The following SPMIP8 variants were observed in gnomAD, a reference collection of about 807,000 sequenced individuals.
The protein encoded by SPMIP8 is sperm microtubule inner protein 8, also known as testicular tissue protein Li 196.
At chr16:57,986,725 C>G in the SPMIP8 span, 1 of 152,290 alleles carries the variant, frequency 6.6e-6, no homozygotes, top group Non-Finnish European at 1.5e-5. Context: ...TTCTGAGTAG[C>G]TGGGATTACA....
the SPMIP8 span, chr16:57,986,122 T>C: frequency 1.5e-6 from 1 of 662,228 alleles, no homozygotes; most frequent in Non-Finnish European, 2.3e-6. Flanking sequence ...CTGGCAAATG[T>C]GCAGCCCACT....
chr16:57,980,938 C>A, the SPMIP8 span, among the ~76,000 whole-genome samples: 122 of 152,258 alleles, frequency 8.0e-4, 1 homozygote, highest in African/African-American at 2.8e-3. Flanking sequence ...TGGTCTCCAA[C>A]TTCTGGGCTC....
At chr16:57,984,454 T>C in the SPMIP8 span, 2 of 1,554,174 alleles carry the variant, frequency 1.3e-6, no homozygotes, top group African/African-American at 1.4e-5. Context: ...GCGCACCTTC[T>C]CAGGTGCCTG....
At chr16:57,977,792 C>G in the SPMIP8 span, 6 of 1,605,452 alleles carry the variant, frequency 3.7e-6, no homozygotes, top group Non-Finnish European at 5.1e-6. Context: ...AGGGTGAGCC[C>G]CTTAGAACCC....
the SPMIP8 span, chr16:57,977,927 G>A: frequency 6.2e-7 from 1 of 1,614,138 alleles, no homozygotes; most frequent in Non-Finnish European, 8.5e-7. Context: ...TGGCGGGCGT[G>A]AAGCAGCAGC....
At chr16:57,986,217 TAGA>T in the SPMIP8 span, 18 of 387,576 alleles carry the variant, frequency 4.6e-5, no homozygotes, top group South Asian at 1.5e-3. Context: ...GGATGTTAAC[TAGA>T]AGGAGAGAAA....
chr16:57,980,222 A>C, the SPMIP8 span, among the ~76,000 whole-genome samples: 1 of 152,200 alleles, frequency 6.6e-6, no homozygotes, highest in African/African-American at 2.4e-5. Context: ...TAAGAGCTTT[A>C]TGTTCAAAGG....
At chr16:57,980,345 C>T in the SPMIP8 span, among the ~76,000 whole-genome samples, 303 of 152,330 alleles carry the variant, frequency 2.0e-3, 1 homozygote, top group Admixed American at 0.018. Flanking sequence ...AACCCATGTT[C>T]GCTTTGAGGT....
At chr16:57,980,397 G>C in the SPMIP8 span, among the ~76,000 whole-genome samples, 2 of 152,204 alleles carry the variant, frequency 1.3e-5, no homozygotes, top group Non-Finnish European at 2.9e-5. Context: ...GTCCCTATAC[G>C]TCAAAAGTTC....
the SPMIP8 span, among the ~76,000 whole-genome samples, chr16:57,977,407 C>CAAAAAAA: frequency 3.0e-5 from 3 of 99,786 alleles, no homozygotes; most frequent in South Asian, 3.5e-4. Flanking sequence ...GAGACTGTCT[C>CAAAAAAA]AAAAAAAAAA....
the SPMIP8 span, chr16:57,986,010 G>C: frequency 1.3e-6 from 2 of 1,528,206 alleles, no homozygotes; most frequent in Admixed American, 2.2e-5. Flanking sequence ...GACAGCCTCG[G>C]GGCTCCCTGA....
the SPMIP8 span, chr16:57,986,468 C>G: frequency 6.6e-6 from 1 of 152,434 alleles, no homozygotes; most frequent in Non-Finnish European, 1.5e-5. Context: ...TTTGTACACT[C>G]CAGCCAGACT....
the SPMIP8 span, chr16:57,984,773 G>T: frequency 6.2e-7 from 1 of 1,608,758 alleles, no homozygotes; most frequent in Non-Finnish European, 8.5e-7. Flanking sequence ...TCGTGTCCTC[G>T]GCCGGGGAGT....
the SPMIP8 span, chr16:57,984,821 G>C: frequency 5.0e-6 from 8 of 1,587,798 alleles, no homozygotes; most frequent in Non-Finnish European, 6.0e-6. Context: ...GTCAGTCTAC[G>C]GGCCGCTGAA....
At chr16:57,978,193 T>C in the SPMIP8 span, among the ~76,000 whole-genome samples, 1 of 152,312 alleles carries the variant, frequency 6.6e-6, no homozygotes, top group East Asian at 1.9e-4. Context: ...TACTGCTCAG[T>C]ACAATGAGGA....
At chr16:57,977,719 T>C in the SPMIP8 span, 1 of 1,344,080 alleles carries the variant, frequency 7.4e-7, no homozygotes, top group African/African-American at 1.4e-5. Flanking sequence ...GTTTGGCAAG[T>C]AGACATCGGC....
At chr16:57,987,008 C>T in the SPMIP8 span, 4 of 175,962 alleles carry the variant, frequency 2.3e-5, no homozygotes, top group Non-Finnish European at 3.6e-5. Flanking sequence ...CCTTTGTGTC[C>T]CTGAGTATCG....
At chr16:57,984,678 G>A in the SPMIP8 span, 1 of 1,595,678 alleles carries the variant, frequency 6.3e-7, no homozygotes, top group Non-Finnish European at 8.5e-7. Flanking sequence ...CAGGTACCAC[G>A]AGGGAAAGCT....
At chr16:57,983,722 G>A in the SPMIP8 span, among the ~76,000 whole-genome samples, 2 of 152,030 alleles carry the variant, frequency 1.3e-5, no homozygotes, top group Admixed American at 6.5e-5. Context: ...AGTGATCCTC[G>A]TGCCTTAGCC....
Sources: gnomAD v4.1 joint callset for allele counts (sites outside exome capture counted in the v4.1 genomes callset) on GRCh38, gnomAD v4.1.1 for gene constraint, MANE v1.5 for transcripts, NCBI Gene and HGNC (gene_info 2026-07-23, HGNC 2026-07-21) for gene names.